The following DOCK10 variants were observed in gnomAD, a reference collection of about 807,000 sequenced individuals.
DOCK10 encodes the protein dedicator of cytokinesis 10.
A neutral mutation model predicts 280.1 loss-of-function variants in DOCK10; 145 were observed. The observed-to-expected ratio is 0.52, with a 90% CI of 0.45 to 0.59. The LOEUF (loss-of-function observed/expected upper bound fraction) is 0.59, where lower values mean the gene tolerates loss of function less well. Ranked by LOEUF, DOCK10 falls within the 20% of genes least tolerant of loss-of-function variation. The pLI, the probability that DOCK10 is intolerant of heterozygous loss-of-function variation, is 0.00. For missense variants in DOCK10, 2,368 were observed against 2,651.7 expected, an observed-to-expected ratio of 0.89 and a Z score of 2.35; for synonymous variants, 915 against 942.2, an observed-to-expected ratio of 0.97 and a Z score of 0.53.
chr2:224,793,454 C>A lies in DOCK10; in HGVS notation c.5158G>T (p.Ala1720Ser), dbSNP rs376761622. The change falls in exon 46 of 56, where the codon GCC (alanine) becomes TCC (serine). Residue 1720 changes from alanine (A) to serine (S), a missense_variant. Physicochemically the swap from Ala to Ser is moderately conservative, Grantham distance 99. This residue lies in a region of DOCK10 where 1,159 missense variants were observed against 1,400.8 expected (regional missense o/e 0.83). Transcript: ENST00000258390. ...HARNGDLSEA[A>S]MCYIHIAALI... ...GCAGCAATATGGATGTAACACATGG[C>A]AGCCTGTAATGAGAAAGAAAATAAA... 16 of 1,612,900 alleles carry A rather than the reference C, an allele frequency of 9.9e-6. 1 individual carries two copies. Among genetic ancestry groups the A allele is most frequent in the South Asian group, 3.3e-5 (3 of 90,936 alleles).
At chr2:224,817,681 A>T (rs1232310059) in intron 29 of DOCK10, among the ~76,000 whole-genome samples, 2 of 152,178 alleles carry the variant, frequency 1.3e-5, no homozygotes, top group Non-Finnish European at 2.9e-5. Flanking sequence ...ATATTCTGCA[A>T]ATTTCATGCA....
chr2:224,859,567 A>AT (rs1697367554), intron 14 of DOCK10, among the ~76,000 whole-genome samples: 1 of 152,204 alleles, frequency 6.6e-6, no homozygotes, highest in Non-Finnish European at 1.5e-5. Context: ...TCAGAAAAAA[A>AT]TGTTGTTCAC....
At chr2:224,899,716 A>G (rs981492759) in intron 3 of DOCK10, among the ~76,000 whole-genome samples, 3 of 152,132 alleles carry the variant, frequency 2.0e-5, no homozygotes, top group African/African-American at 4.8e-5. Context: ...GCCCCAGAGT[A>G]TATCGTCATG....
At chr2:224,813,459 G>C (rs1365409241) in intron 31 of DOCK10, among the ~76,000 whole-genome samples, 2 of 152,152 alleles carry the variant, frequency 1.3e-5, no homozygotes, top group Non-Finnish European at 2.9e-5. Flanking sequence ...GCCTCCCAAA[G>C]TGTTGAGATT....
intron 1 of DOCK10, among the ~76,000 whole-genome samples, chr2:225,011,906 G>A (rs908383577): frequency 2.0e-5 from 3 of 152,016 alleles, no homozygotes; most frequent in South Asian, 4.2e-4. Flanking sequence ...ACATCATCAG[G>A]GCAAGCTCAA....
intron 22 of DOCK10, among the ~76,000 whole-genome samples, chr2:224,842,806 G>A (rs983789263): frequency 6.6e-6 from 1 of 152,184 alleles, no homozygotes; most frequent in Non-Finnish European, 1.5e-5. Flanking sequence ...CTTCCATTAA[G>A]GCGGGGAGGC....
At chr2:224,823,132 C>T (rs1694613993) in intron 28 of DOCK10, among the ~76,000 whole-genome samples, 1 of 151,562 alleles carries the variant, frequency 6.6e-6, no homozygotes, top group Non-Finnish European at 1.5e-5. Flanking sequence ...GGACTACAGG[C>T]ACGCACCACC....
At chr2:224,874,404 GAC>G in intron 9 of DOCK10, 55 bp from the exon 10 acceptor site, 2 of 1,379,530 alleles carry the variant, frequency 1.4e-6, no homozygotes, top group Non-Finnish European at 2.0e-6. Context: ...TACAGCCCCT[GAC>G]ACATCCACAT....
chr2:225,034,500 A>G (rs1690170358), intron 1 of DOCK10, among the ~76,000 whole-genome samples: 1 of 152,222 alleles, frequency 6.6e-6, no homozygotes, highest in South Asian at 2.1e-4. Context: ...GAAGAGGATG[A>G]CACAAGGGCT....
intron 22 of DOCK10, among the ~76,000 whole-genome samples, chr2:224,842,508 A>G (rs879817561): frequency 6.6e-6 from 1 of 152,080 alleles, no homozygotes; most frequent in African/African-American, 2.4e-5. Flanking sequence ...CACACTCTGA[A>G]TGTTTCCCTG....
Position 224,770,125 on chromosome 2 carries a change from A to G in DOCK10, c.6444+86T>C. On this transcript the variant is annotated intron_variant, in intron 55 of 55. Coordinates refer to ENST00000258390, the MANE Select transcript of DOCK10 (RefSeq NM_014689.3). This position sits in a 1 kb window ranked among gnomAD's most constrained non-coding sequence, Gnocchi z 4.5. ...GATGCAGTGATTTCTGCAGCAAGAA[A>G]AGGGCCTCTTTCCTGTCCTTCTGGC... The G allele has an allele frequency of 1.5e-6, 2 of 1,377,456 alleles. No homozygotes were observed. Among genetic ancestry groups the G allele is most frequent in the Non-Finnish European group, 1.9e-6 (2 of 1,054,734 alleles). The allele number at this position is 1,377,456 out of a possible 1,614,324, so 85.3% of individuals were successfully genotyped here. A position where few individuals can be genotyped will look rare whatever the true frequency, so the allele number is the denominator to read the frequency against.
intron 3 of DOCK10, among the ~76,000 whole-genome samples, chr2:224,898,747 T>A (rs1047049237): frequency 6.6e-6 from 1 of 152,120 alleles, no homozygotes; most frequent in Admixed American, 6.5e-5. Flanking sequence ...GGGCTAATTT[T>A]TTGTATTTTT....
chr2:225,036,706 T>C (rs372924583), intron 1 of DOCK10, among the ~76,000 whole-genome samples: 9 of 152,242 alleles, frequency 5.9e-5, no homozygotes, highest in African/African-American at 1.9e-4. Flanking sequence ...AGTTTCAGTA[T>C]AAGTTAATGC....
chr2:224,789,139 C>A lies in DOCK10; in HGVS notation c.5343G>T (p.Leu1781Phe). Residue 1781 changes from leucine to phenylalanine, a missense_variant, in exon 48 of 56, where the codon TTG becomes TTT. Leu to Phe is a conservative substitution (Grantham distance 22). This residue lies in a region of DOCK10 where 1,159 missense variants were observed against 1,400.8 expected (regional missense o/e 0.83). Coordinates refer to ENST00000258390, the MANE Select transcript of DOCK10 (RefSeq NM_014689.3). Reference sequence around the variant, plus strand: ...CTTCCTTAATGTTTGGTGTAATGCTCAAAAAAGCTGGCCATCCCATAGAGA... The same window carrying A: ...CTTCCTTAATGTTTGGTGTAATGCTAAAAAAAGCTGGCCATCCCATAGAGA... ...SMFSMGWPAF[L>F]SITPNIKEEG... 1 of 1,613,426 alleles carries A rather than the reference C, an allele frequency of 6.2e-7. No homozygotes were observed. The highest frequency in any genetic ancestry group is 8.5e-7 in the Non-Finnish European group (1 of 1,179,640).
In DOCK10 at chr2:224,930,571, G is replaced by GAA. The variant is rs5839080; in HGVS notation, c.243+976_243+977dup. Among the ~76,000 whole-genome samples the GAA allele has an allele frequency of 1.6e-4, 24 of 147,012 alleles. 1 individual carries two copies. The East Asian group carries it at 2.8e-3, about 17-fold the overall frequency. Reference sequence around the variant, plus strand: ...TTTTCATGAATCCATGGAGGAAGGTGAAAAAAAAAAAAACTCTTTAAAAGC... The same window carrying GAA: ...TTTTCATGAATCCATGGAGGAAGGTGAAAAAAAAAAAAAAACTCTTTAAAAGC... On this transcript the variant is annotated intron_variant, in intron 2 of 55. Coordinates refer to ENST00000258390, the MANE Select transcript of DOCK10 (RefSeq NM_014689.3).
intron 27 of DOCK10, among the ~76,000 whole-genome samples, chr2:224,827,477 G>T (rs1462472763): frequency 6.6e-6 from 1 of 152,042 alleles, no homozygotes; most frequent in African/African-American, 2.4e-5. Context: ...TTTATTCTTA[G>T]GCTGCTCACA....
intron 4 of DOCK10, among the ~76,000 whole-genome samples, chr2:224,888,654 T>G (rs995018277): frequency 1.3e-5 from 2 of 152,084 alleles, no homozygotes; most frequent in African/African-American, 4.8e-5. Context: ...TGTGAATATA[T>G]GTGTGTGCAT....
intron 1 of DOCK10, among the ~76,000 whole-genome samples, chr2:224,939,194 T>C (rs1260543649): frequency 6.6e-6 from 1 of 152,234 alleles, no homozygotes; most frequent in African/African-American, 2.4e-5. Context: ...GTTTTGCAGA[T>C]ATAAGGGATG....
intron 7 of DOCK10, among the ~76,000 whole-genome samples, chr2:224,883,744 A>C (rs1699107823): frequency 6.6e-6 from 1 of 152,184 alleles, no homozygotes; most frequent in Non-Finnish European, 1.5e-5. Context: ...CTGAAACACA[A>C]TCTAAGTAAG....
Sources: gnomAD v4.1 joint callset for allele counts (sites outside exome capture counted in the v4.1 genomes callset) on GRCh38, gnomAD v4.1.1 for gene constraint, gnomAD v4.1.1 regional missense constraint, Gnocchi (gnomAD v3.1) non-coding constraint, MANE v1.5 for transcripts, NCBI Gene and HGNC (gene_info 2026-07-23, HGNC 2026-07-21) for gene names.